The following PIAS4 variants were observed in gnomAD, a reference collection of about 807,000 sequenced individuals.
PIAS4 encodes E3 SUMO-protein ligase PIAS4.
PIAS4 carries 7 observed loss-of-function variants against 58.0 expected under a neutral mutation model. That is an observed-to-expected ratio of 0.12 (90% CI 0.07 to 0.23). The LOEUF is 0.23. Ranked by LOEUF, PIAS4 falls within the 10% of genes least tolerant of loss-of-function variation. The probability of loss-of-function intolerance (pLI) is 1.00; values close to 1 mark genes in which losing one functional copy is unlikely to be tolerated. For synonymous variants in PIAS4, 364 were observed against 312.4 expected, an observed-to-expected ratio of 1.17 and a Z score of -1.74; for missense variants, 550 against 709.5, an observed-to-expected ratio of 0.78 and a Z score of 2.55.
intron 2 of PIAS4, among the ~76,000 whole-genome samples, chr19:4,019,242 G>C (rs1049403153): frequency 2.0e-5 from 3 of 152,170 alleles, no homozygotes; most frequent in African/African-American, 7.2e-5. Context: ...CCCAGCATAG[G>C]GGGGCCGGGT....
At chr19:4,016,108 C>T (rs1219708069) in intron 2 of PIAS4, among the ~76,000 whole-genome samples, 2 of 152,252 alleles carry the variant, frequency 1.3e-5, no homozygotes, top group East Asian at 1.9e-4. Context: ...CCTCTGCAGG[C>T]TGGGAACCCT....
intron 9 of PIAS4, among the ~76,000 whole-genome samples, chr19:4,034,534 C>T (rs887554527): frequency 1.3e-5 from 2 of 152,244 alleles, no homozygotes; most frequent in African/African-American, 4.8e-5. Context: ...TCTGGGTCCC[C>T]TCTGTGGAGG....
chr19:4,010,839 C>G (rs926244136), intron 1 of PIAS4, among the ~76,000 whole-genome samples: 1 of 152,224 alleles, frequency 6.6e-6, no homozygotes, highest in African/African-American at 2.4e-5. Context: ...CACGGGGCCC[C>G]GCAGCCCTGA....
chr19:4,008,540 A>T (rs1260985555), intron 1 of PIAS4, among the ~76,000 whole-genome samples: 1 of 151,938 alleles, frequency 6.6e-6, no homozygotes, highest in Non-Finnish European at 1.5e-5. Context: ...TCCCCATAGG[A>T]TGGAGTTCGG....
intron 2 of PIAS4, among the ~76,000 whole-genome samples, chr19:4,019,948 T>G (rs2040092517): frequency 6.6e-6 from 1 of 150,846 alleles, no homozygotes; most frequent in African/African-American, 2.4e-5. Context: ...AAATGGAGTC[T>G]CGCTGTCGCC....
chr19:4,027,862 C>A (rs865924021), intron 3 of PIAS4, among the ~76,000 whole-genome samples: 1 of 152,100 alleles, frequency 6.6e-6, no homozygotes, highest in Non-Finnish European at 1.5e-5. Context: ...CCCGCATGCA[C>A]GTTTTAGCTA....
chr19:4,031,186 G>T (rs1351269494), intron 7 of PIAS4, among the ~76,000 whole-genome samples: 1 of 152,168 alleles, frequency 6.6e-6, no homozygotes, highest in Non-Finnish European at 1.5e-5. Context: ...CCCTGTTCCT[G>T]ACCACCAAAG....
chr19:4,024,500 C>T (rs1599224261), intron 3 of PIAS4, among the ~76,000 whole-genome samples: 1 of 152,186 alleles, frequency 6.6e-6, no homozygotes, highest in South Asian at 2.1e-4. Flanking sequence ...CAGACATTGT[C>T]CAGTGTCCCC....
intron 7 of PIAS4, among the ~76,000 whole-genome samples, chr19:4,031,046 A>T (rs540201482): frequency 4.2e-4 from 64 of 152,238 alleles, no homozygotes; most frequent in African/African-American, 1.5e-3. Flanking sequence ...GCACCACCCC[A>T]GCCCCTTGGC....
chr19:4,028,320 C>T, intron 4 of PIAS4, 133 bp downstream of exon 4: 1 of 839,480 alleles, frequency 1.2e-6, no homozygotes. Flanking sequence ...CACCTGCTGT[C>T]TATCCCTGTC....
chr19:4,010,676 G>A (rs776304137), intron 1 of PIAS4, among the ~76,000 whole-genome samples: 1 of 152,218 alleles, frequency 6.6e-6, no homozygotes, highest in Non-Finnish European at 1.5e-5. Context: ...CCAGTCCCAC[G>A]CATGTACTAG....
At chr19:4,029,247 C>T (rs987738062) in intron 7 of PIAS4, among the ~76,000 whole-genome samples, 1 of 152,152 alleles carries the variant, frequency 6.6e-6, no homozygotes, top group Admixed American at 6.5e-5. Flanking sequence ...AGCTGCTGTG[C>T]GGAGGCCTGT....
intron 3 of PIAS4, among the ~76,000 whole-genome samples, chr19:4,025,049 C>A (rs1056034210): frequency 6.6e-6 from 1 of 152,220 alleles, no homozygotes; most frequent in East Asian, 1.9e-4. Context: ...CAGGCGTGAG[C>A]CACTGCGCCT....
chr19:4,007,928 A>C, intron 1 of PIAS4, 141 bp downstream of exon 1: 3 of 486,220 alleles, frequency 6.2e-6, no homozygotes, highest in Non-Finnish European at 9.0e-6. Context: ...CCAGACCCCG[A>C]CCCCCGGTCT....
At chr19:4,035,530 C>G (rs1008526435) in intron 9 of PIAS4, among the ~76,000 whole-genome samples, 4 of 152,118 alleles carry the variant, frequency 2.6e-5, no homozygotes, top group South Asian at 4.1e-4. Flanking sequence ...GTAAAAAGGC[C>G]GGACACAGTG....
chr19:4,028,246 G>A (rs928676584), intron 4 of PIAS4, 59 bp downstream of exon 4: 36 of 931,278 alleles, frequency 3.9e-5, no homozygotes, highest in South Asian at 1.9e-4. Flanking sequence ...GCCCCTCCCC[G>A]CCCCCCAGTC....
chr19:4,026,921 C>T (rs1160355466), intron 3 of PIAS4, among the ~76,000 whole-genome samples: 1 of 152,070 alleles, frequency 6.6e-6, no homozygotes, highest in Non-Finnish European at 1.5e-5. Context: ...GATCTTGGCT[C>T]ACTGCAAGCT....
At chr19:4,007,919 C>G in intron 1 of PIAS4, 132 bp downstream of exon 1, 1 of 576,814 alleles carries the variant, frequency 1.7e-6, no homozygotes, top group Admixed American at 4.8e-5. Flanking sequence ...TCCCGGCCCC[C>G]AGACCCCGAC....
At position 4,013,078 on chromosome 19, in the gene PIAS4, G is replaced by C; in HGVS notation, c.183G>C (p.Leu61=). 6.2e-7 allele frequency: 1 copy of C among 1,613,500 alleles called. No homozygotes were observed. Among genetic ancestry groups the C allele is most frequent in the Non-Finnish European group, 8.5e-7 (1 of 1,180,004 alleles). Residue 61 remains leucine (L), a synonymous_variant, in exon 2 of 11, where the codon CTG becomes CTC. Coordinates refer to ENST00000262971, the MANE Select transcript of PIAS4 (RefSeq NM_015897.4). This position sits in a 1 kb window ranked among gnomAD's most constrained non-coding sequence, Gnocchi z 5.1. ...SPELFKKIKE[L]YETRYAKKNS... is the part of the protein sequence containing the mutation. The stretch of plus-strand genomic sequence containing the variant: ...AGCTGTTCAAGAAGATCAAGGAGCT[G>C]TACGAGACCCGCTACGCCAAGAAGA...
Sources: gnomAD v4.1 joint callset for allele counts (sites outside exome capture counted in the v4.1 genomes callset) on GRCh38, gnomAD v4.1.1 for gene constraint, Gnocchi (gnomAD v3.1) non-coding constraint, MANE v1.5 for transcripts, NCBI Gene and HGNC (gene_info 2026-07-23, HGNC 2026-07-21) for gene names.